KAZN: variants seen among roughly 807,000 people sequenced by gnomAD.
KAZN encodes the protein kazrin.
In KAZN, 40 loss-of-function variants were observed where a neutral mutation model predicts 87.4. The observed-to-expected ratio is 0.46, with a 90% CI of 0.36 to 0.60. The LOEUF is 0.60. Ranked by LOEUF, KAZN falls within the 20% of genes least tolerant of loss-of-function variation. The pLI is 0.00. For missense variants in KAZN, 898 were observed against 1,073.9 expected (o/e 0.84, Z 2.29); for synonymous variants, 466 against 458.3 (o/e 1.02, Z -0.22).
chr1:15,047,308 C>T (rs1358642996), intron 4 of KAZN, among the ~76,000 whole-genome samples: 1 of 152,200 alleles, frequency 6.6e-6, no homozygotes, highest in Non-Finnish European at 1.5e-5. Context: ...GCCCAGCTCC[C>T]CCACTGCACA....
rs1273515698 is a variant in KAZN at position 14,773,740 on chromosome 1, G to A, written c.226+174517G>A. Among the ~76,000 whole-genome samples the A allele has an allele frequency of 6.6e-6, 1 of 152,170 alleles. No homozygotes were observed. The highest frequency in any genetic ancestry group is 1.5e-5 in the Non-Finnish European group (1 of 68,032). ...TGGCAGTGCTGCTAATGAGGCCTCT[G>A]TGGCCTGGGCTTCCGGGGCTGCCAT... On this transcript the variant is annotated intron_variant, in intron 1 of 14. Transcript: ENST00000376030. This position sits in a 1 kb window ranked among gnomAD's most constrained non-coding sequence, Gnocchi z 5.9.
At chr1:14,225,468 C>T (rs1308834957) in intron 2 of KAZN, among the ~76,000 whole-genome samples, 1 of 152,104 alleles carries the variant, frequency 6.6e-6, no homozygotes, top group Non-Finnish European at 1.5e-5. Context: ...AAGCAATTTA[C>T]AGATTCAATG....
intron 2 of KAZN, among the ~76,000 whole-genome samples, chr1:15,031,492 C>T (rs561027028): frequency 6.6e-6 from 1 of 152,212 alleles, no homozygotes; most frequent in East Asian, 1.9e-4. Flanking sequence ...GGAGCCAGCG[C>T]TGTGGGGAAG....
At chr1:15,112,685 C>T in intron 14 of KAZN, 144 bp downstream of exon 14, 1 of 587,224 alleles carries the variant, frequency 1.7e-6, no homozygotes, top group East Asian at 2.8e-5. Context: ...GGACAGATGC[C>T]CTGGATGTAC....
chr1:14,514,849 A>G (rs1223589075), intron 2 of KAZN, among the ~76,000 whole-genome samples: 1 of 151,760 alleles, frequency 6.6e-6, no homozygotes, highest in Non-Finnish European at 1.5e-5. Flanking sequence ...TTGTTGTTCC[A>G]TACAGGACAC....
chr1:14,490,212 A>G (rs889846120), intron 2 of KAZN, among the ~76,000 whole-genome samples: 1 of 152,104 alleles, frequency 6.6e-6, no homozygotes, highest in Non-Finnish European at 1.5e-5. Context: ...CTTTTGTTCT[A>G]CTAATGGGTG....
At chr1:13,960,653 G>A (rs970307153) in intron 1 of KAZN, among the ~76,000 whole-genome samples, 4 of 152,156 alleles carry the variant, frequency 2.6e-5, no homozygotes, top group Non-Finnish European at 5.9e-5. Context: ...TTCCCAAATC[G>A]GCTTGTATTT....
chr1:15,030,793 G>T (rs1346861143), intron 2 of KAZN, among the ~76,000 whole-genome samples: 1 of 152,188 alleles, frequency 6.6e-6, no homozygotes, highest in Non-Finnish European at 1.5e-5. Context: ...CTGGAATTCC[G>T]GCCCTGGTGA....
At chr1:14,695,686 A>C (rs1383182301) in intron 1 of KAZN, among the ~76,000 whole-genome samples, 1 of 151,326 alleles carries the variant, frequency 6.6e-6, no homozygotes, top group African/African-American at 2.4e-5. Context: ...TTGTATTTTT[A>C]GTAGAGATGG....
At chr1:14,908,939 C>T (rs1256737267) in intron 1 of KAZN, among the ~76,000 whole-genome samples, 1 of 152,042 alleles carries the variant, frequency 6.6e-6, no homozygotes, top group Non-Finnish European at 1.5e-5. Context: ...GCTGAGATCA[C>T]ACCACTGCAT....
intron 2 of KAZN, among the ~76,000 whole-genome samples, chr1:14,309,298 T>G (rs1655129592): frequency 6.6e-6 from 1 of 152,210 alleles, no homozygotes; most frequent in African/African-American, 2.4e-5. Flanking sequence ...AATTATCAAT[T>G]AATAAAAATT....
rs74640169 is a variant in KAZN at position 14,268,682 on chromosome 1, G to A, written c.249+88090G>A. 3.9e-3 allele frequency among the ~76,000 whole-genome samples: 589 copies of A among 152,192 alleles called. 8 individuals are homozygous for A. Among genetic ancestry groups the A allele is most frequent in the African/African-American group, 0.013 (541 of 41,526 alleles). On this transcript the variant is annotated intron_variant, in intron 2 of 16. Coordinates refer to the KAZN transcript ENST00000636203. Reference sequence around the variant, plus strand: ...GGTGATGATATATATGTATATATGCGACCATGAAACCAGAATTTGACCTGC... The same window carrying A: ...GGTGATGATATATATGTATATATGCAACCATGAAACCAGAATTTGACCTGC...
chr1:15,091,652 C>CT (rs1253222086), intron 8 of KAZN, among the ~76,000 whole-genome samples: 1 of 152,162 alleles, frequency 6.6e-6, no homozygotes, highest in Non-Finnish European at 1.5e-5. Context: ...CCGTGTTTTC[C>CT]TTTTTCATTT....
intron 2 of KAZN, among the ~76,000 whole-genome samples, chr1:14,393,905 T>C (rs868484088): frequency 7.2e-6 from 1 of 138,394 alleles, no homozygotes; most frequent in Non-Finnish European, 1.6e-5. Flanking sequence ...CTGAAAGAAA[T>C]GTGTGTGTTT....
intron 1 of KAZN, among the ~76,000 whole-genome samples, chr1:14,813,515 T>C (rs1646474712): frequency 6.6e-6 from 1 of 152,200 alleles, no homozygotes; most frequent in Non-Finnish European, 1.5e-5. Context: ...GAAGCGGATC[T>C]TCTGGTTCCC....
rs1016068205 is a variant in KAZN at position 15,099,356 on chromosome 1, A to G, written c.1548-2187A>G. 2.6e-5 allele frequency among the ~76,000 whole-genome samples: 4 copies of G among 152,218 alleles called. No individual in the cohort carries two copies. Among genetic ancestry groups the G allele is most frequent in the African/African-American group, 9.7e-5 (4 of 41,448 alleles). On this transcript the variant is annotated intron_variant, in intron 10 of 14. Coordinates refer to ENST00000376030, the MANE Select transcript of KAZN (RefSeq NM_201628.3). The surrounding 1 kb of genome is among the most constrained non-coding windows in gnomAD (Gnocchi z 5.4). ...CTAAGGTGGGGAAGAGAGAAAATAA[A>G]TTAGTGGACAAACCAGCAATTGCTT...
In KAZN at chr1:14,283,183, A is replaced by G. The variant is rs148547033; in HGVS notation, c.249+102591A>G. ...TAATTGGGCTGCAGCTTTTTCAGAC[A>G]AAACAGTTCCCTAAAGTCTGACTCT... On this transcript the variant is annotated intron_variant, in intron 2 of 16. Coordinates refer to the KAZN transcript ENST00000636203. Among the ~76,000 whole-genome samples, 603 of 152,268 alleles carry G rather than the reference A, an allele frequency of 4.0e-3. 2 individuals carry two copies. Among genetic ancestry groups the G allele is most frequent in the South Asian group, 0.011 (53 of 4,814 alleles).
At chr1:14,883,411 G>GA (rs1256552833) in intron 1 of KAZN, among the ~76,000 whole-genome samples, 1 of 145,856 alleles carries the variant, frequency 6.9e-6, no homozygotes, top group African/African-American at 2.7e-5. Context: ...AAGAAAGAAA[G>GA]AAAGAAAGAA....
intron 2 of KAZN, among the ~76,000 whole-genome samples, chr1:14,527,228 A>G (rs1156412806): frequency 6.6e-6 from 1 of 152,164 alleles, no homozygotes; most frequent in African/African-American, 2.4e-5. Context: ...TTGCTGTACA[A>G]GAATACCTGA....
Sources: allele counts gnomAD v4.1 joint callset (sites outside exome capture counted in the v4.1 genomes callset), GRCh38; gene constraint gnomAD v4.1.1; non-coding constraint Gnocchi (gnomAD v3.1); transcripts MANE v1.5; gene names NCBI Gene and HGNC (gene_info 2026-07-23, HGNC 2026-07-21).